The following FREM3 variants were observed in gnomAD, a reference collection of about 807,000 sequenced individuals.
The protein encoded by FREM3 is FRAS1 related extracellular matrix 3.
A neutral mutation model predicts 129.1 loss-of-function variants in FREM3; 105 were observed. That is an observed-to-expected ratio of 0.81 (90% CI 0.69 to 0.96). The LOEUF (loss-of-function observed/expected upper bound fraction) is 0.96, where lower values mean the gene tolerates loss of function less well. Among genes scored for constraint, FREM3 ranks in the 40% least tolerant of loss-of-function variants. The probability of loss-of-function intolerance (pLI) is 0.00; values close to 1 mark genes in which losing one functional copy is unlikely to be tolerated. For missense variants in FREM3, 2,593 were observed against 2,666.3 expected, an observed-to-expected ratio of 0.97 and a Z score of 0.61; for synonymous variants, 1,014 against 1,044.9, an observed-to-expected ratio of 0.97 and a Z score of 0.57.
chr4:143,697,048 C>T lies in FREM3; in HGVS notation c.3628G>A (p.Val1210Ile). 6.5e-7 allele frequency: 1 copy of T among 1,537,504 alleles called. No individual in the cohort carries two copies. Among genetic ancestry groups the T allele is most frequent in the Non-Finnish European group, 8.7e-7 (1 of 1,146,996 alleles). Residue 1210 changes from valine (V) to isoleucine (I), a missense_variant, in exon 1 of 8, where the codon GTC becomes ATC. Coordinates refer to ENST00000329798, the MANE Select transcript of FREM3 (RefSeq NM_001168235.2). ...CCATTAAGCAGCTGGGTGTCTATGACCAGGCTCATCCCCTCTAGTACCTTA... is the reference window on the plus strand; with the variant it reads ...CCATTAAGCAGCTGGGTGTCTATGATCAGGCTCATCCCCTCTAGTACCTTA... ...EFKVLEGMSL[V>I]IDTQLLNGAD...
rs1328257173 is a variant in FREM3 at position 143,699,810 on chromosome 4, T to G, written c.866A>C (p.His289Pro). The stretch of plus-strand genomic sequence containing the variant: ...GCGGATCCTCACGAGCAGCTGGAAG[T>G]GCTCGCGGACCAGCACACCCGCGGA... ...AGSAGVLVRE[H>P]FQLLVRIRGG... is the part of the protein sequence containing the mutation. The change falls in exon 1 of 8, where the codon CAC becomes CCC. Residue 289 changes from histidine (H) to proline (P), a missense_variant. By Grantham distance (77) the His-to-Pro change is moderately conservative. This residue lies in a region of FREM3 where 2,276 missense variants were observed against 2,267.2 expected (regional missense o/e 1.00). Transcript: ENST00000329798. The surrounding 1 kb of genome is among the most constrained non-coding windows in gnomAD (Gnocchi z 4.2). The G allele has an allele frequency of 6.5e-7, 1 of 1,536,468 alleles. No homozygotes were observed. Among genetic ancestry groups the G allele is most frequent in the Non-Finnish European group, 8.7e-7 (1 of 1,146,850 alleles).
At chr4:143,663,352 T>G (rs1053808067) in intron 2 of FREM3, among the ~76,000 whole-genome samples, 1 of 152,122 alleles carries the variant, frequency 6.6e-6, no homozygotes, top group Non-Finnish European at 1.5e-5. Flanking sequence ...AAGCTTAGTT[T>G]AGCTGGATAT....
At chr4:143,676,270 A>C (rs1740118490) in intron 2 of FREM3, among the ~76,000 whole-genome samples, 1 of 152,238 alleles carries the variant, frequency 6.6e-6, no homozygotes, top group Non-Finnish European at 1.5e-5. Flanking sequence ...CCAGCATATA[A>C]ACAGAATCAA....
At chr4:143,600,303 A>G (rs1738550080) in intron 6 of FREM3, among the ~76,000 whole-genome samples, 1 of 152,158 alleles carries the variant, frequency 6.6e-6, no homozygotes, top group Non-Finnish European at 1.5e-5. Context: ...TGAGGATACA[A>G]TGGACTTTGG....
chr4:143,698,570 A>T lies in FREM3; in HGVS notation c.2106T>A (p.Ser702Arg), dbSNP rs773105620. Residue 702 changes from serine to arginine, a missense_variant, in exon 1 of 8, where the codon AGT becomes AGA. Transcript: ENST00000329798. ...TIKVQPVDIL[S>R]PQLYPGTTLE... ...GTGTAGTTCCTGGATACAGCTGTGGACTCAGTATATCCACTGGTTGGACCT... is the reference window on the plus strand; with the variant it reads ...GTGTAGTTCCTGGATACAGCTGTGGTCTCAGTATATCCACTGGTTGGACCT... 2.7e-5 allele frequency: 41 copies of T among 1,537,408 alleles called. No homozygotes were observed. Among genetic ancestry groups the T allele is most frequent in the Middle Eastern group, 3.3e-4 (2 of 6,014 alleles).
chr4:143,594,554 GA>G (rs1738432698), intron 6 of FREM3, among the ~76,000 whole-genome samples: 1 of 152,016 alleles, frequency 6.6e-6, no homozygotes, highest in Non-Finnish European at 1.5e-5. Context: ...AAAGTTTGTT[GA>G]AAAAAACTTT....
intron 2 of FREM3, among the ~76,000 whole-genome samples, chr4:143,662,067 G>GT (rs1739739532): frequency 2.0e-5 from 3 of 151,702 alleles, no homozygotes; most frequent in East Asian, 1.9e-4. Flanking sequence ...TTTTTTGAAG[G>GT]GTTTTTTGTG....
Position 143,700,026 on chromosome 4 carries a change from T to G in FREM3, c.650A>C (p.Asp217Ala). ...GCGCCCGTACTTGGGCAGGGGGCCG[T>G]CCTCGTGAGGAAGTGGGGTAAGCCG... ...RCRLTPLPHE[D>A]GPLPKYGRLV... Residue 217 changes from aspartate to alanine, a missense_variant, in exon 1 of 8, where the codon GAC becomes GCC. Physicochemically the swap from Asp to Ala is moderately radical, Grantham distance 126 (BLOSUM62 -2). Transcript: ENST00000329798. 6.6e-7 allele frequency: 1 copy of G among 1,510,408 alleles called. No homozygotes were observed. Among genetic ancestry groups the G allele is most frequent in the East Asian group, 2.5e-5 (1 of 40,582 alleles). The allele number at this position is 1,510,408 out of a possible 1,614,324, so 93.6% of individuals were successfully genotyped here. A position where few individuals can be genotyped will look rare whatever the true frequency, so the allele number is the denominator to read the frequency against.
intron 5 of FREM3, among the ~76,000 whole-genome samples, chr4:143,618,525 G>GTTT (rs1738891264): frequency 6.6e-6 from 1 of 151,974 alleles, no homozygotes; most frequent in African/African-American, 2.4e-5. Context: ...TGAAACTGAG[G>GTTT]GCTAAGCTGA....
Position 143,697,303 on chromosome 4 carries a change from G to T in FREM3, c.3373C>A (p.Pro1125Thr). 4 of 1,537,272 alleles carry T rather than the reference G, an allele frequency of 2.6e-6. No individual in the cohort carries two copies. The highest frequency in any genetic ancestry group is 3.5e-6 in the Non-Finnish European group (4 of 1,146,898). ...SGYLEKIASAPGSKMSQSGSP... is the reference protein window; with the variant it reads ...SGYLEKIASATGSKMSQSGSP... Reference sequence around the variant, plus strand: ...CCAGACTGGGACATTTTTGAACCAGGAGCTGATGCAATCTTTTCCAGGTAG... The same window carrying T: ...CCAGACTGGGACATTTTTGAACCAGTAGCTGATGCAATCTTTTCCAGGTAG... The change falls in exon 1 of 8, where the codon CCT (proline) becomes ACT (threonine). Residue 1125 changes from proline to threonine, a missense_variant. Around this residue, in one of 2 missense-constraint regions of FREM3, gnomAD observed 2,276 missense variants for 2,267.2 expected, o/e 1.00. Coordinates refer to ENST00000329798, the MANE Select transcript of FREM3 (RefSeq NM_001168235.2).
chr4:143,630,239 A>G (rs932308036), intron 2 of FREM3, among the ~76,000 whole-genome samples: 4 of 152,154 alleles, frequency 2.6e-5, no homozygotes, highest in Non-Finnish European at 1.5e-5. Flanking sequence ...TAGGTGCTCA[A>G]TAAATGTGGG....
chr4:143,616,508 CG>C (rs1307354343), intron 5 of FREM3, among the ~76,000 whole-genome samples: 1 of 152,092 alleles, frequency 6.6e-6, no homozygotes, highest in Non-Finnish European at 1.5e-5. Context: ...CACTTTTGGC[CG>C]GGCGCAGTGG....
intron 6 of FREM3, among the ~76,000 whole-genome samples, chr4:143,610,478 G>C (rs1298769150): frequency 4.6e-5 from 7 of 152,144 alleles, no homozygotes; most frequent in Non-Finnish European, 1.0e-4. Flanking sequence ...CATCCATAAA[G>C]CAGTCACATT....
chr4:143,697,270 T>C lies in FREM3; in HGVS notation c.3406A>G (p.Ile1136Val), dbSNP rs1740591589. The change falls in exon 1 of 8, where the codon ATC becomes GTC. Residue 1136 changes from isoleucine (I) to valine (V), a missense_variant. By Grantham distance (29) the Ile-to-Val change is conservative (BLOSUM62 3). Around this residue, in one of 2 missense-constraint regions of FREM3, gnomAD observed 2,276 missense variants for 2,267.2 expected, o/e 1.00. Coordinates refer to ENST00000329798, the MANE Select transcript of FREM3 (RefSeq NM_001168235.2). ...ATATCTCTGAGGGAGAAAGCACTGA[T>C]AGGGCTACCAGACTGGGACATTTTT... ...GSKMSQSGSP[I>V]SAFSLRDIQV... 6.5e-7 allele frequency: 1 copy of C among 1,537,478 alleles called. No individual in the cohort carries two copies. The highest frequency in any genetic ancestry group is 8.7e-7 in the Non-Finnish European group (1 of 1,146,946).
At position 143,698,845 on chromosome 4, in the gene FREM3, C is replaced by G; in HGVS notation, c.1831G>C (p.Gly611Arg). 6.5e-7 allele frequency: 1 copy of G among 1,537,756 alleles called. No homozygotes were observed. The highest frequency in any genetic ancestry group is 2.4e-5 in the East Asian group (1 of 40,910). ...PGSSHSGHYLGDLLLQQAELP... is the reference protein window; with the variant it reads ...PGSSHSGHYLRDLLLQQAELP... Reference sequence around the variant, plus strand: ...TCAGCCTGCTGCAGCAACAGGTCCCCCAGGTAGTGGCCTGAGTGGGAGGAA... The same window carrying G: ...TCAGCCTGCTGCAGCAACAGGTCCCGCAGGTAGTGGCCTGAGTGGGAGGAA... Residue 611 changes from glycine to arginine, a missense_variant, in exon 1 of 8, where the codon GGG becomes CGG. Physicochemically the swap from Gly to Arg is moderately radical, Grantham distance 125 (BLOSUM62 -2). Coordinates refer to ENST00000329798, the MANE Select transcript of FREM3 (RefSeq NM_001168235.2).
chr4:143,589,278 C>A (rs1738306846), intron 6 of FREM3, among the ~76,000 whole-genome samples: 1 of 152,130 alleles, frequency 6.6e-6, no homozygotes, highest in Admixed American at 6.5e-5. Context: ...GCTTTTGTTG[C>A]CATTGCTTTT....
At chr4:143,675,689 TA>T (rs1384293161) in intron 2 of FREM3, among the ~76,000 whole-genome samples, 1 of 151,960 alleles carries the variant, frequency 6.6e-6, no homozygotes, top group Non-Finnish European at 1.5e-5. Context: ...ACAGATGCAA[TA>T]AAAAATGATA....
At chr4:143,596,837 C>G (rs1003216502) in intron 6 of FREM3, among the ~76,000 whole-genome samples, 1 of 151,976 alleles carries the variant, frequency 6.6e-6, no homozygotes, top group Non-Finnish European at 1.5e-5. Context: ...TTGTGGGAGG[C>G]TGAGGTGGGA....
At chr4:143,613,065 T>C (rs191557692) in intron 5 of FREM3, among the ~76,000 whole-genome samples, 1 of 152,328 alleles carries the variant, frequency 6.6e-6, no homozygotes, top group East Asian at 1.9e-4. Flanking sequence ...TAAAAAATGA[T>C]AGTGGGCTCC....
Sources: gnomAD v4.1 joint callset for allele counts (sites outside exome capture counted in the v4.1 genomes callset) on GRCh38, gnomAD v4.1.1 for gene constraint, gnomAD v4.1.1 regional missense constraint, Gnocchi (gnomAD v3.1) non-coding constraint, MANE v1.5 for transcripts, NCBI Gene and HGNC (gene_info 2026-07-23, HGNC 2026-07-21) for gene names.